The following POU2F1 variants were observed in gnomAD, a reference collection of about 807,000 sequenced individuals.
The protein encoded by POU2F1 is POU domain, class 2, transcription factor 1.
In POU2F1, 16 loss-of-function variants were observed where a neutral mutation model predicts 84.9. The observed-to-expected ratio is 0.19, with a 90% CI of 0.13 to 0.29. The LOEUF (loss-of-function observed/expected upper bound fraction) is 0.29, where lower values mean the gene tolerates loss of function less well. POU2F1 is among the 10% of genes least tolerant of loss of function. The pLI, the probability that POU2F1 is intolerant of heterozygous loss-of-function variation, is 1.00. For missense variants in POU2F1, 738 were observed against 942.6 expected (o/e 0.78, Z 2.84); for synonymous variants, 368 against 368.3 (o/e 1.00, Z 0.01).
In POU2F1 at chr1:167,425,056, A is replaced by G. The variant is rs2101972547; in HGVS notation, c.*9246A>G. On this transcript the variant is annotated 3_prime_UTR_variant, in exon 16 of 16. Transcript: ENST00000367866. Reference sequence around the variant, plus strand: ...AATATTTAAGTTTATTATTATTATTATTATTATTTGACAATCTTATATCCA... The same window carrying G: ...AATATTTAAGTTTATTATTATTATTGTTATTATTTGACAATCTTATATCCA... The G allele has an allele frequency of 6.6e-6, 1 of 152,054 alleles. No homozygotes were observed. The highest frequency in any genetic ancestry group is 1.9e-4 in the East Asian group (1 of 5,178). The allele number at this position is 152,054 out of a possible 1,614,324, so 9.4% of individuals were successfully genotyped here.
chr1:167,409,797 T>C (rs1649829020), intron 13 of POU2F1, among the ~76,000 whole-genome samples: 1 of 152,108 alleles, frequency 6.6e-6, no homozygotes, highest in Non-Finnish European at 1.5e-5. Context: ...TTAGGACTTA[T>C]AAAAATAGGC....
At chr1:167,287,656 A>T (rs1653627959) in intron 1 of POU2F1, among the ~76,000 whole-genome samples, 1 of 152,226 alleles carries the variant, frequency 6.6e-6, no homozygotes, top group South Asian at 2.1e-4. Context: ...GTTCAAAGTT[A>T]TGGAAAATAG....
chr1:167,391,817 C>A lies in POU2F1; in HGVS notation c.987+2056C>A, dbSNP rs571207856. On this transcript the variant is annotated intron_variant, in intron 9 of 15. Transcript: ENST00000367866. ...AACCAAATCCACCCACGTCAGCTTC[C>A]CAAAGTGCTAAGATTACAGGTGTGA... Among the ~76,000 whole-genome samples, 49 of 151,968 alleles carry A rather than the reference C, an allele frequency of 3.2e-4. No individual in the cohort carries two copies. In the South Asian group the frequency reaches 5.4e-3, roughly 17 times the overall value.
At chr1:167,267,630 C>CTTTTTTTTTTTTTTTTT (rs71073658) in intron 1 of POU2F1, among the ~76,000 whole-genome samples, 1 of 70,484 alleles carries the variant, frequency 1.4e-5, no homozygotes, top group Non-Finnish European at 2.5e-5. Flanking sequence ...GTTACTGTGT[C>CTTTTTTTTTTTTTTTTT]TTTTTTTTTT....
chr1:167,370,639 CATT>C (rs1316448584), intron 4 of POU2F1, among the ~76,000 whole-genome samples: 1 of 152,178 alleles, frequency 6.6e-6, no homozygotes, highest in Non-Finnish European at 1.5e-5. Flanking sequence ...CTTAGGTTTG[CATT>C]CTCATTCTGC....
Position 167,415,872 on chromosome 1 carries a change from C to A in POU2F1, c.*62C>A. 1 of 1,427,540 alleles carries A rather than the reference C, an allele frequency of 7.0e-7. No individual in the cohort carries two copies. The highest frequency in any genetic ancestry group is 1.3e-5 in the South Asian group (1 of 79,240). 88.4% of individuals were successfully genotyped at this position (1,427,540 alleles called of 1,614,324 possible). A position where few individuals can be genotyped will look rare whatever the true frequency, so the allele number is the denominator to read the frequency against. ...TCTGCAGTGTGATTGGACTGCCAGC[C>A]AGGTTAATAAACTGAAAAATGTGAT... is the stretch of plus-strand genomic sequence containing the variant. On this transcript the variant is annotated 3_prime_UTR_variant, in exon 16 of 16. Coordinates refer to ENST00000367866, the MANE Select transcript of POU2F1 (RefSeq NM_002697.4).
At chr1:167,346,992 TTTCCTAAA>T (rs1189981190) in intron 2 of POU2F1, among the ~76,000 whole-genome samples, 1 of 152,206 alleles carries the variant, frequency 6.6e-6, no homozygotes, top group Non-Finnish European at 1.5e-5. Context: ...GTAGCTAAGT[TTTCCTAAA>T]AGATCTTTTA....
intron 5 of POU2F1, 48 bp downstream of exon 5, chr1:167,372,084 C>G: frequency 6.3e-7 from 1 of 1,583,408 alleles, no homozygotes. Flanking sequence ...TGTGTCAGAA[C>G]TGCCATTGGC....
chr1:167,383,703 T>C (rs1647736866), intron 7 of POU2F1, 154 bp from the exon 8 acceptor site: 5 of 604,594 alleles, frequency 8.3e-6, no homozygotes, highest in Non-Finnish European at 1.5e-5. Flanking sequence ...CAAGATTGAA[T>C]GTAAGGCAAA....
intron 1 of POU2F1, among the ~76,000 whole-genome samples, chr1:167,299,948 TG>T (rs2102562785): frequency 6.6e-6 from 1 of 152,330 alleles, no homozygotes; most frequent in African/African-American, 2.4e-5. Context: ...GCTATGATAC[TG>T]ATCCGGGTAC....
At chr1:167,264,908 T>C (rs1182697980) in intron 1 of POU2F1, among the ~76,000 whole-genome samples, 1 of 152,154 alleles carries the variant, frequency 6.6e-6, no homozygotes, top group Non-Finnish European at 1.5e-5. Flanking sequence ...CCTCAGGGCC[T>C]TTACACTTGC....
At chr1:167,363,088 A>G (rs915561472) in intron 2 of POU2F1, among the ~76,000 whole-genome samples, 2 of 152,198 alleles carry the variant, frequency 1.3e-5, no homozygotes, top group Non-Finnish European at 1.5e-5. Flanking sequence ...AAATACTATT[A>G]CCAGTAGACC....
intron 1 of POU2F1, among the ~76,000 whole-genome samples, chr1:167,318,081 C>A (rs544631326): frequency 6.6e-6 from 1 of 152,294 alleles, no homozygotes; most frequent in African/African-American, 2.4e-5. Context: ...GCATTAAGGT[C>A]ACGTGTGCCT....
chr1:167,317,590 A>G (rs959590810), intron 1 of POU2F1, among the ~76,000 whole-genome samples: 2 of 152,160 alleles, frequency 1.3e-5, no homozygotes, highest in Non-Finnish European at 2.9e-5. Flanking sequence ...AAAGAGATGG[A>G]CTCTGGCTAG....
chr1:167,408,905 C>G (rs1220176662), intron 13 of POU2F1, among the ~76,000 whole-genome samples: 1 of 152,190 alleles, frequency 6.6e-6, no homozygotes, highest in African/African-American at 2.4e-5. Context: ...TGTTTATATT[C>G]TTACTATTGA....
chr1:167,376,436 A>C, intron 7 of POU2F1: 1 of 287,150 alleles, frequency 3.5e-6, no homozygotes, highest in Non-Finnish European at 6.4e-6. Flanking sequence ...AACATGCCAA[A>C]CATAAATTGG....
At chr1:167,250,460 A>G (rs1650640384) in intron 1 of POU2F1, among the ~76,000 whole-genome samples, 1 of 152,232 alleles carries the variant, frequency 6.6e-6, no homozygotes, top group South Asian at 2.1e-4. Context: ...ATGGAAAATG[A>G]TGCCTGTTAA....
intron 1 of POU2F1, among the ~76,000 whole-genome samples, chr1:167,325,244 G>C (rs1656616731): frequency 6.6e-6 from 1 of 152,154 alleles, no homozygotes; most frequent in Non-Finnish European, 1.5e-5. Flanking sequence ...AAAGGATATT[G>C]GTGTACTGTT....
At chr1:167,227,334 A>T (rs116071538) in intron 1 of POU2F1, among the ~76,000 whole-genome samples, 171 of 152,226 alleles carry the variant, frequency 1.1e-3, no homozygotes, top group African/African-American at 4.0e-3. Flanking sequence ...CAATAATAAT[A>T]ATTATTATGG....
Sources: allele counts gnomAD v4.1 joint callset (sites outside exome capture counted in the v4.1 genomes callset), GRCh38; gene constraint gnomAD v4.1.1; transcripts MANE v1.5; gene names NCBI Gene and HGNC (gene_info 2026-07-23, HGNC 2026-07-21).